Variants in UNC13C observed in about 807,000 individuals in gnomAD.
UNC13C encodes protein unc-13 homolog C.
In UNC13C, 174 loss-of-function variants were observed where a neutral mutation model predicts 245.4. That is an observed-to-expected ratio of 0.71 (90% CI 0.63 to 0.80). UNC13C has a LOEUF of 0.80. Among genes scored for constraint, UNC13C ranks in the 30% least tolerant of loss-of-function variants. The pLI is 0.00. For missense variants in UNC13C, 2,829 were observed against 2,602.9 expected (o/e 1.09, Z -1.89); for synonymous variants, 992 against 895.1 (o/e 1.11, Z -1.93).
chr15:54,456,980 A>G (rs12438368), intron 19 of UNC13C, among the ~76,000 whole-genome samples: 62,167 of 151,440 alleles, frequency 0.41, 12,973 homozygotes, highest in East Asian at 0.62. Flanking sequence ...AATGCTTTCA[A>G]CTTTTCCATG....
chr15:54,258,649 G>A (rs7171774), intron 8 of UNC13C, among the ~76,000 whole-genome samples: 7,162 of 152,188 alleles, frequency 0.047, 395 homozygotes, highest in East Asian at 0.23. Context: ...GATTACAGAT[G>A]TGAGCCACCA....
At chr15:54,310,896 T>A (rs12914619) in intron 13 of UNC13C, among the ~76,000 whole-genome samples, 21,891 of 151,646 alleles carry the variant, frequency 0.14, 1,768 homozygotes, top group East Asian at 0.18. Flanking sequence ...AAGATTTGTC[T>A]GTTTTTCTTT....
chr15:54,377,563 T>C (rs987841703), intron 17 of UNC13C, among the ~76,000 whole-genome samples: 7 of 152,246 alleles, frequency 4.6e-5, no homozygotes, highest in Admixed American at 3.9e-4. Flanking sequence ...CAGACTGTTA[T>C]AAGAAAAGTC....
intron 13 of UNC13C, among the ~76,000 whole-genome samples, chr15:54,315,121 G>A (rs2037976195): frequency 6.6e-6 from 1 of 151,664 alleles, no homozygotes; most frequent in South Asian, 2.1e-4. Flanking sequence ...ATCTGATAAT[G>A]CTAGCTCTTT....
intron 30 of UNC13C, among the ~76,000 whole-genome samples, chr15:54,587,429 C>G (rs947060871): frequency 2.0e-5 from 3 of 152,186 alleles, no homozygotes; most frequent in Admixed American, 2.0e-4. Flanking sequence ...CCAACTAATT[C>G]ATATAATAGA....
intron 4 of UNC13C, among the ~76,000 whole-genome samples, chr15:54,232,240 A>C (rs1303685279): frequency 1.3e-5 from 2 of 152,118 alleles, no homozygotes; most frequent in Non-Finnish European, 2.9e-5. Context: ...AAGGTTGAGA[A>C]AGTGTTTTCA....
chr15:54,191,132 T>C (rs1265785910), intron 4 of UNC13C, among the ~76,000 whole-genome samples: 1 of 152,112 alleles, frequency 6.6e-6, no homozygotes, highest in Non-Finnish European at 1.5e-5. Context: ...ACACGTGCCA[T>C]GGTGGTTTGC....
intron 2 of UNC13C, among the ~76,000 whole-genome samples, chr15:54,089,557 A>G (rs1393240725): frequency 6.6e-6 from 1 of 151,922 alleles, no homozygotes. Flanking sequence ...TGGGGTAGAG[A>G]GTGCTGAGTG....
At chr15:54,382,802 A>C (rs114255889) in intron 17 of UNC13C, among the ~76,000 whole-genome samples, 6 of 152,090 alleles carry the variant, frequency 3.9e-5, no homozygotes, top group Admixed American at 3.3e-4. Context: ...ACTGATAACT[A>C]GACTACCCAA....
At chr15:54,324,455 T>C (rs778690049) in intron 14 of UNC13C, among the ~76,000 whole-genome samples, 1 of 152,050 alleles carries the variant, frequency 6.6e-6, no homozygotes, top group African/African-American at 2.4e-5. Flanking sequence ...TAAATCTTAT[T>C]TGAAATCATG....
intron 20 of UNC13C, among the ~76,000 whole-genome samples, chr15:54,495,759 G>A (rs971502345): frequency 2.1e-4 from 32 of 151,986 alleles, no homozygotes; most frequent in African/African-American, 6.5e-4. Flanking sequence ...ATCAGGCATT[G>A]TGGGAGTTGG....
chr15:54,324,897 C>G (rs2038255377), intron 14 of UNC13C, among the ~76,000 whole-genome samples: 2 of 152,020 alleles, frequency 1.3e-5, no homozygotes, highest in South Asian at 4.1e-4. Flanking sequence ...ACATGCAGCC[C>G]AGAGTGGCTT....
rs577528501 is a variant in UNC13C, at chr15:54,563,753, A to C, written c.5959-4047A>C. Among the ~76,000 whole-genome samples the C allele has an allele frequency of 2.6e-5, 4 of 152,158 alleles. No individual in the cohort carries two copies. In the South Asian group the frequency reaches 8.3e-4, roughly 32 times the overall value. On this transcript the variant is annotated intron_variant, in intron 29 of 32. Transcript: ENST00000260323. ...GGATAGTGGGTTTTGTCTAATAATT[A>C]AGATATTTACTTCCATACATCACCC...
In UNC13C at chr15:53,987,959, G is replaced by A. The variant is rs61468197; in HGVS notation, c.-257+9032G>A. ...TGTGAGCAGCTTTTGCAGGAGAAAT[G>A]AAGTTCAGTTTCAGACGAGATGGGT... On this transcript the variant is annotated intron_variant, in intron 1 of 32. Transcript: ENST00000260323. 5.5e-3 allele frequency among the ~76,000 whole-genome samples: 832 copies of A among 152,134 alleles called. 8 individuals are homozygous for A. Among genetic ancestry groups the A allele is most frequent in the African/African-American group, 0.019 (803 of 41,538 alleles).
At chr15:54,193,281 C>T (rs1012531298) in intron 4 of UNC13C, among the ~76,000 whole-genome samples, 3 of 152,122 alleles carry the variant, frequency 2.0e-5, no homozygotes, top group Admixed American at 2.0e-4. Flanking sequence ...TACTACTGGT[C>T]ACTTATGACC....
At chr15:54,207,113 T>TGAC (rs928134472) in intron 4 of UNC13C, among the ~76,000 whole-genome samples, 1 of 147,152 alleles carries the variant, frequency 6.8e-6, no homozygotes, top group African/African-American at 2.5e-5. Context: ...TTATTGATGA[T>TGAC]GATGATGATG....
At chr15:53,924,263 A>G in the UNC13C span, among the ~76,000 whole-genome samples, 8 of 152,176 alleles carry the variant, frequency 5.3e-5, no homozygotes, top group African/African-American at 1.9e-4. Context: ...AGCACGGCAC[A>G]GTTCAGTGCT....
At chr15:53,838,049 A>G in the UNC13C span, among the ~76,000 whole-genome samples, 1 of 152,132 alleles carries the variant, frequency 6.6e-6, no homozygotes, top group East Asian at 1.9e-4. Flanking sequence ...AAATTTTGCT[A>G]TAAAAATATA....
intron 29 of UNC13C, among the ~76,000 whole-genome samples, chr15:54,556,799 T>A (rs1487699249): frequency 2.6e-5 from 4 of 151,850 alleles, no homozygotes; most frequent in South Asian, 2.1e-4. Context: ...AAGAAAAAAA[T>A]TTGGCATCTG....
Sources: gnomAD v4.1 joint callset for allele counts (sites outside exome capture counted in the v4.1 genomes callset) on GRCh38, gnomAD v4.1.1 for gene constraint, MANE v1.5 for transcripts, NCBI Gene and HGNC (gene_info 2026-07-23, HGNC 2026-07-21) for gene names.